The following MAP7D1 variants were observed in gnomAD, a reference collection of about 807,000 sequenced individuals.
MAP7D1 encodes MAP7 domain containing 1.
A neutral mutation model predicts 97.5 loss-of-function variants in MAP7D1; 30 were observed. That is an observed-to-expected ratio of 0.31 (90% CI 0.23 to 0.42). The LOEUF (loss-of-function observed/expected upper bound fraction) is 0.42, where lower values mean the gene tolerates loss of function less well. Among genes scored for constraint, MAP7D1 ranks in the 10% least tolerant of loss-of-function variants. MAP7D1 has a pLI of 1.00. For missense variants in MAP7D1, 1,184 were observed against 1,179.5 expected, an observed-to-expected ratio of 1.00 and a Z score of -0.06; for synonymous variants, 536 against 477.1, an observed-to-expected ratio of 1.12 and a Z score of -1.61.
At chr1:36,177,690 A>C in intron 8 of MAP7D1, 183 bp from the exon 9 acceptor site, 1 of 900,530 alleles carries the variant, frequency 1.1e-6, no homozygotes, top group Non-Finnish European at 1.7e-6. Flanking sequence ...ATCCCACAGA[A>C]ACATGTCATT....
chr1:36,176,221 A>C lies in MAP7D1; in HGVS notation c.873A>C (p.Ala291=), dbSNP rs1405861587. ...CAGATCGCAGCCTGCAGCTGAGCGC[A>C]TGGGAGAGCAGCATCGTGGATCGTC... ...PSRNRSLQLS[A]WESSIVDRLM... is the part of the protein sequence containing the mutation. Residue 291 remains alanine (A), a synonymous_variant, in exon 7 of 17, where the codon GCA becomes GCC. Coordinates refer to ENST00000474796, the MANE Select transcript of MAP7D1 (RefSeq NM_001388490.1). The surrounding 1 kb of genome is among the most constrained non-coding windows in gnomAD (Gnocchi z 6.1). 3.1e-6 allele frequency: 5 copies of C among 1,607,950 alleles called. No homozygotes were observed. In the South Asian group the frequency reaches 5.5e-5, roughly 18 times the overall value.
In MAP7D1 at chr1:36,180,487, C is replaced by G. The variant is rs1047324849; in HGVS notation, c.*229C>G. ...TCGCACGCGCAGACATCCCTTCTCCCCCATACACACATATACACTCACAGC... is the reference window on the plus strand; with the variant it reads ...TCGCACGCGCAGACATCCCTTCTCCGCCATACACACATATACACTCACAGC... On this transcript the variant is annotated 3_prime_UTR_variant, in exon 17 of 17. Transcript: ENST00000474796. 6.6e-6 allele frequency: 4 copies of G among 606,350 alleles called. No homozygotes were observed. The highest frequency in any genetic ancestry group is 2.8e-5 in the Admixed American group (1 of 35,384). 37.6% of individuals were successfully genotyped at this position (606,350 alleles called of 1,614,324 possible).
rs189341991 is a variant in MAP7D1, at chr1:36,177,821, A to G, written c.1380-52A>G. 16 of 1,519,272 alleles carry G rather than the reference A, an allele frequency of 1.1e-5. No homozygotes were observed. In the East Asian group the frequency reaches 3.4e-4, roughly 32 times the overall value. 94.1% of individuals were successfully genotyped at this position (1,519,272 alleles called of 1,614,324 possible). A position where few individuals can be genotyped will look rare whatever the true frequency, so the allele number is the denominator to read the frequency against. On this transcript the variant is annotated intron_variant, in intron 8 of 16. Transcript: ENST00000474796. ...CTCCCAGAGGAAGGAACAAGTTCTC[A>G]GCGTGTGGGTGTGTGTGTCTCCTAA...
rs1356231420 is a variant in MAP7D1 at position 36,176,079 on chromosome 1, G to A, written c.851-120G>A. On this transcript the variant is annotated intron_variant, in intron 6 of 16. Transcript: ENST00000474796. This position sits in a 1 kb window ranked among gnomAD's most constrained non-coding sequence, Gnocchi z 6.1. Reference sequence around the variant, plus strand: ...TGGCCCCGGTGTGATTGTGGGGAGAGGACTCCCGGGTGAGAAGCCTTGGCC... The same window carrying A: ...TGGCCCCGGTGTGATTGTGGGGAGAAGACTCCCGGGTGAGAAGCCTTGGCC... 4 of 1,090,908 alleles carry A rather than the reference G, an allele frequency of 3.7e-6. No homozygotes were observed. In the Admixed American group the frequency reaches 7.6e-5, roughly 21 times the overall value. The allele number at this position is 1,090,908 out of a possible 1,614,324, so 67.6% of individuals were successfully genotyped here. A position where few individuals can be genotyped will look rare whatever the true frequency, so the allele number is the denominator to read the frequency against.
chr1:36,180,236 G>T lies in MAP7D1; in HGVS notation c.2513-12G>T, dbSNP rs372321497. 6.8e-6 allele frequency: 11 copies of T among 1,614,158 alleles called. No homozygotes were observed. The highest frequency in any genetic ancestry group is 9.3e-6 in the Non-Finnish European group (11 of 1,180,032). On this transcript the variant is annotated splice_polypyrimidine_tract_variant and intron_variant, in intron 16 of 16. Coordinates refer to ENST00000474796, the MANE Select transcript of MAP7D1 (RefSeq NM_001388490.1). ...GTTTGCCCTGACTGTTTCCCTTCCT[G>T]TTTTTCCCCAGAAGTCCTTTAAGAG...
intron 1 of MAP7D1, among the ~76,000 whole-genome samples, chr1:36,162,179 C>T (rs933014915): frequency 3.3e-5 from 5 of 152,110 alleles, no homozygotes; most frequent in African/African-American, 1.2e-4. Context: ...GCTGTCTGTG[C>T]ACCCCCCACG....
chr1:36,178,414 T>G lies in MAP7D1; in HGVS notation c.1709-5T>G. The G allele has an allele frequency of 2.5e-6, 4 of 1,607,832 alleles. No homozygotes were observed. Among genetic ancestry groups the G allele is most frequent in the Non-Finnish European group, 3.4e-6 (4 of 1,177,724 alleles). On this transcript the variant is annotated splice_polypyrimidine_tract_variant and splice_region_variant and intron_variant, in intron 9 of 16. Coordinates refer to ENST00000474796, the MANE Select transcript of MAP7D1 (RefSeq NM_001388490.1). ...GCTGACGCCTGATCCCGGATCCCCC[T>G]CCAGACGCTGCTGTCTTGACCTCAC...
Position 36,176,141 on chromosome 1 carries a change from T to A in MAP7D1, c.851-58T>A. On this transcript the variant is annotated intron_variant, in intron 6 of 16. Coordinates refer to ENST00000474796, the MANE Select transcript of MAP7D1 (RefSeq NM_001388490.1). The surrounding 1 kb of genome is among the most constrained non-coding windows in gnomAD (Gnocchi z 6.1). ...ATGGTGCCTGGTCTGCTCCCTTGCC[T>A]CTTCCTGCCTCCTACGGCCCCCACG... 1 of 1,580,024 alleles carries A rather than the reference T, an allele frequency of 6.3e-7. No individual in the cohort carries two copies. Among genetic ancestry groups the A allele is most frequent in the South Asian group, 1.1e-5 (1 of 89,204 alleles).
At chr1:36,168,187 C>T (rs1644496296) in intron 1 of MAP7D1, among the ~76,000 whole-genome samples, 1 of 151,750 alleles carries the variant, frequency 6.6e-6, no homozygotes, top group Non-Finnish European at 1.5e-5. Flanking sequence ...CCCAGCTACT[C>T]TGGAGGCTGA....
At chr1:36,177,616 A>G (rs768853568) in intron 8 of MAP7D1, 1 of 715,294 alleles carries the variant, frequency 1.4e-6, no homozygotes, top group East Asian at 2.8e-5. Context: ...GAGCTAACCC[A>G]AGCATGGTTT....
At chr1:36,170,232 G>A (rs1424413972) in intron 1 of MAP7D1, among the ~76,000 whole-genome samples, 6 of 152,126 alleles carry the variant, frequency 3.9e-5, no homozygotes, top group Non-Finnish European at 2.9e-5. Context: ...ACTTCACTTC[G>A]ATGTCTTTTA....
rs1553183487 is a variant in MAP7D1 at position 36,161,879 on chromosome 1, G to GTGTGTA, written c.46+5421_46+5422insATGTGT. On this transcript the variant is annotated intron_variant, in intron 1 of 16. Transcript: ENST00000474796. Reference sequence around the variant, plus strand: ...TTCCTCTGCATGTGTGTGTGTGTATGTGTGTGTGTGTGTGTGTGTGTGTGT... The same window carrying GTGTGTA: ...TTCCTCTGCATGTGTGTGTGTGTATGTGTGTATGTGTGTGTGTGTGTGTGTGTGTGT... 9.5e-3 allele frequency among the ~76,000 whole-genome samples: 201 copies of GTGTGTA among 21,224 alleles called. 2 individuals are homozygous for GTGTGTA. Among genetic ancestry groups the GTGTGTA allele is most frequent in the Admixed American group, 0.039 (104 of 2,672 alleles). The allele number at this position is 21,224 out of a possible 152,430, so 13.9% of individuals were successfully genotyped here.
rs1285456514 is a variant in MAP7D1 at position 36,159,634 on chromosome 1, A to G, written c.46+3171A>G. Among the ~76,000 whole-genome samples the G allele has an allele frequency of 1.3e-5, 2 of 152,110 alleles. No homozygotes were observed. Among genetic ancestry groups the G allele is most frequent in the Non-Finnish European group, 2.9e-5 (2 of 68,010 alleles). ...GCTCGGTGTAGTCTATGTGGACGGCAGAGAAGTGAATCAGACGGAGTTTTG... is the reference window on the plus strand; with the variant it reads ...GCTCGGTGTAGTCTATGTGGACGGCGGAGAAGTGAATCAGACGGAGTTTTG... On this transcript the variant is annotated intron_variant, in intron 1 of 16. Transcript: ENST00000474796. This position sits in a 1 kb window ranked among gnomAD's most constrained non-coding sequence, Gnocchi z 5.4.
At chr1:36,177,484 A>G in intron 8 of MAP7D1, 1 of 472,042 alleles carries the variant, frequency 2.1e-6, no homozygotes, top group Non-Finnish European at 4.2e-6. Context: ...TGATGATGCC[A>G]CTGCACTCCA....
chr1:36,166,960 TCAG>T (rs1644481867), intron 1 of MAP7D1, among the ~76,000 whole-genome samples: 2 of 152,104 alleles, frequency 1.3e-5, no homozygotes, highest in South Asian at 4.1e-4. Flanking sequence ...TGGGGGAAGA[TCAG>T]CAGCTCAGTT....
At position 36,177,858 on chromosome 1, in the gene MAP7D1, T is replaced by G; in HGVS notation, c.1380-15T>G. On this transcript the variant is annotated splice_polypyrimidine_tract_variant and intron_variant, in intron 8 of 16. Transcript: ENST00000474796. ...TGTGTGTCTCCTAACCCTTCCCTTT[T>G]CCCTTTTCTCTTAGCCCCAAATCCA... 6.6e-7 allele frequency: 1 copy of G among 1,524,776 alleles called. No individual in the cohort carries two copies. The highest frequency in any genetic ancestry group is 8.8e-7 in the Non-Finnish European group (1 of 1,137,302). The allele number at this position is 1,524,776 out of a possible 1,614,324, so 94.5% of individuals were successfully genotyped here.
intron 3 of MAP7D1, 77 bp downstream of exon 3, chr1:36,171,658 C>A: frequency 1.3e-6 from 2 of 1,501,370 alleles, no homozygotes; most frequent in Non-Finnish European, 1.8e-6. Flanking sequence ...CAGGCTGGGG[C>A]GCAGTGGCTC....
intron 8 of MAP7D1, chr1:36,177,398 C>G (rs1023505937): frequency 2.6e-6 from 1 of 378,088 alleles, no homozygotes; most frequent in African/African-American, 2.1e-5. Context: ...GCCTCACGCC[C>G]GTAATCCCAG....
At position 36,174,964 on chromosome 1, in the gene MAP7D1, G is replaced by T. The variant is rs201475700; in HGVS notation, c.806G>T (p.Arg269Leu). Residue 269 changes from arginine to leucine, a missense_variant, in exon 6 of 17, where the codon CGG becomes CTG. Transcript: ENST00000474796. ...CACGTGGACTCTATAATCAACAAGCGGCTCTCAAAGTCCTCTGCCACGCTC... is the reference window on the plus strand; with the variant it reads ...CACGTGGACTCTATAATCAACAAGCTGCTCTCAAAGTCCTCTGCCACGCTC... Reference protein sequence around the residue: ...PKHVDSIINKRLSKSSATLWN... With the variant: ...PKHVDSIINKLLSKSSATLWN... 1.2e-6 allele frequency: 2 copies of T among 1,613,964 alleles called. No homozygotes were observed. Among genetic ancestry groups the T allele is most frequent in the Non-Finnish European group, 1.7e-6 (2 of 1,179,976 alleles).
Sources: allele counts gnomAD v4.1 joint callset (sites outside exome capture counted in the v4.1 genomes callset), GRCh38; gene constraint gnomAD v4.1.1; non-coding constraint Gnocchi (gnomAD v3.1); transcripts MANE v1.5; gene names NCBI Gene and HGNC (gene_info 2026-07-23, HGNC 2026-07-21).